RALGAPA1: variants seen among roughly 807,000 people sequenced by gnomAD.
RALGAPA1 encodes ral GTPase-activating protein subunit alpha-1.
In RALGAPA1, 52 loss-of-function variants were observed where a neutral mutation model predicts 269.6. That is an observed-to-expected ratio of 0.19 (90% confidence interval 0.15 to 0.24). RALGAPA1 has a LOEUF of 0.24. RALGAPA1 is among the 10% of genes least tolerant of loss of function. RALGAPA1 has a pLI of 1.00. For synonymous variants in RALGAPA1, 817 were observed against 1,008.3 expected (o/e 0.81, Z 3.60); for missense variants, 1,917 against 3,013.9 (o/e 0.64, Z 8.52).
At chr14:35,766,095 G>A in intron 4 of RALGAPA1, 1 of 1,131,156 alleles carries the variant, frequency 8.8e-7, no homozygotes, top group South Asian at 1.2e-5. Flanking sequence ...ATGCTATGCG[G>A]CTTTAGGATC....
At chr14:35,771,103 T>C in intron 3 of RALGAPA1, 104 bp from the exon 4 acceptor site, 2 of 471,136 alleles carry the variant, frequency 4.2e-6, no homozygotes, top group Non-Finnish European at 7.7e-6. Flanking sequence ...GTATAACAAA[T>C]ACAAAATAGG....
At chr14:35,808,650 G>T in intron 1 of RALGAPA1, 80 bp downstream of exon 1, 1 of 1,477,280 alleles carries the variant, frequency 6.8e-7, no homozygotes, top group Non-Finnish European at 9.2e-7. Context: ...GCCAGGTCCC[G>T]AGAGAGAGTC....
intron 39 of RALGAPA1, among the ~76,000 whole-genome samples, chr14:35,562,040 A>C (rs1317542167): frequency 1.3e-5 from 2 of 152,166 alleles, no homozygotes; most frequent in African/African-American, 4.8e-5. Context: ...GAATGACCAT[A>C]ACTATACATC....
intron 28 of RALGAPA1, among the ~76,000 whole-genome samples, chr14:35,658,391 G>T (rs1431345117): frequency 6.6e-6 from 1 of 152,098 alleles, no homozygotes; most frequent in Non-Finnish European, 1.5e-5. Flanking sequence ...TTTGAACTTT[G>T]GGTCAAAAAA....
intron 31 of RALGAPA1, among the ~76,000 whole-genome samples, chr14:35,648,245 C>T (rs910295034): frequency 2.0e-5 from 3 of 151,462 alleles, no homozygotes; most frequent in Admixed American, 6.6e-5. Context: ...TGCAATGAGC[C>T]GAGATTGTGC....
intron 16 of RALGAPA1, among the ~76,000 whole-genome samples, chr14:35,714,988 T>C (rs1029195983): frequency 6.6e-6 from 1 of 152,210 alleles, no homozygotes; most frequent in Admixed American, 6.5e-5. Flanking sequence ...GATTATGCAT[T>C]TTTTCTCTTT....
intron 11 of RALGAPA1, among the ~76,000 whole-genome samples, chr14:35,739,728 C>T (rs955134034): frequency 6.6e-6 from 1 of 152,110 alleles, no homozygotes; most frequent in African/African-American, 2.4e-5. Flanking sequence ...CTGCAACTAC[C>T]GCTGTCCTAG....
At chr14:35,552,812 G>T (rs962091863) in intron 39 of RALGAPA1, among the ~76,000 whole-genome samples, 2 of 151,862 alleles carry the variant, frequency 1.3e-5, no homozygotes, top group African/African-American at 2.4e-5. Context: ...AGGAAAAAAG[G>T]GGGGAAGGAA....
Position 35,686,612 on chromosome 14 carries a change from C to A in RALGAPA1, c.4007G>T (p.Gly1336Val). The A allele has an allele frequency of 1.9e-6, 3 of 1,608,072 alleles. No homozygotes were observed. The highest frequency in any genetic ancestry group is 2.5e-6 in the Non-Finnish European group (3 of 1,176,638). The part of the protein sequence containing the change: ...KLPPLNSDIG[G>V]SSANVPDLMD... ...CAGATCAGGAACATTAGCACTGCTG[C>A]CGCCAATATCACTATTAAGAGGAGG... is the stretch of plus-strand genomic sequence containing the variant. The change falls in exon 19 of 42, where the codon GGC becomes GTC. Residue 1336 changes from glycine to valine, a missense_variant. By Grantham distance (109) the Gly-to-Val change is moderately radical. Transcript: ENST00000680220.
intron 16 of RALGAPA1, among the ~76,000 whole-genome samples, chr14:35,705,219 T>A (rs1251699758): frequency 1.3e-5 from 2 of 152,136 alleles, no homozygotes; most frequent in Non-Finnish European, 2.9e-5. Flanking sequence ...TGTAGTACCT[T>A]CTATGGGTTT....
intron 35 of RALGAPA1, among the ~76,000 whole-genome samples, chr14:35,617,619 G>C (rs1249441688): frequency 1.2e-5 from 1 of 82,448 alleles, no homozygotes; most frequent in African/African-American, 5.8e-5. Flanking sequence ...ACTCCATCCT[G>C]TGTGTGTGTG....
chr14:35,766,772 T>C (rs1295527708), intron 4 of RALGAPA1: 1 of 516,644 alleles, frequency 1.9e-6, no homozygotes, highest in African/African-American at 1.9e-5. Context: ...CTTTTAACTC[T>C]GGAGTATGCT....
chr14:35,744,969 A>G (rs576063859), intron 10 of RALGAPA1, among the ~76,000 whole-genome samples: 3 of 152,238 alleles, frequency 2.0e-5, no homozygotes, highest in East Asian at 3.8e-4. Flanking sequence ...TAAAAAATTA[A>G]TATCATCCAG....
intron 17 of RALGAPA1, among the ~76,000 whole-genome samples, chr14:35,692,319 G>T (rs1467496101): frequency 1.3e-5 from 2 of 151,588 alleles, no homozygotes; most frequent in Non-Finnish European, 3.0e-5. Flanking sequence ...ACAAATGTCA[G>T]AAAAAAATAA....
At chr14:35,664,587 T>C (rs2063784319) in intron 27 of RALGAPA1, 55 bp downstream of exon 27, 16 of 1,390,834 alleles carry the variant, frequency 1.2e-5, no homozygotes, top group Admixed American at 2.2e-5. Flanking sequence ...TTATTGCATA[T>C]ACTTTATGAT....
intron 19 of RALGAPA1, among the ~76,000 whole-genome samples, 178 bp downstream of exon 19, chr14:35,686,364 A>T (rs1445145198): frequency 6.6e-6 from 1 of 152,074 alleles, no homozygotes; most frequent in African/African-American, 2.4e-5. Context: ...GTCTTTAGAT[A>T]AAAAATGTTA....
At chr14:35,607,717 A>C (rs1040873954) in intron 35 of RALGAPA1, among the ~76,000 whole-genome samples, 2 of 152,238 alleles carry the variant, frequency 1.3e-5, no homozygotes, top group Non-Finnish European at 2.9e-5. Flanking sequence ...ACTCTGTAGC[A>C]GTTCTGCCTG....
chr14:35,580,929 C>T (rs1313061843), intron 37 of RALGAPA1, among the ~76,000 whole-genome samples: 1 of 152,108 alleles, frequency 6.6e-6, no homozygotes, highest in Non-Finnish European at 1.5e-5. Flanking sequence ...TATTACACTT[C>T]AACCCGTGCT....
chr14:35,659,357 T>C (rs1324751999), intron 27 of RALGAPA1, among the ~76,000 whole-genome samples, 161 bp from the exon 28 acceptor site: 1 of 152,106 alleles, frequency 6.6e-6, no homozygotes, highest in African/African-American at 2.4e-5. Flanking sequence ...AAATAAAAGT[T>C]TCTGAAATTT....
Sources: gnomAD v4.1 joint callset for allele counts (sites outside exome capture counted in the v4.1 genomes callset) on GRCh38, gnomAD v4.1.1 for gene constraint, MANE v1.5 for transcripts, NCBI Gene and HGNC (gene_info 2026-07-23, HGNC 2026-07-21) for gene names.